The following PPP1R36 variants were observed in gnomAD, a reference collection of about 807,000 sequenced individuals.
The protein encoded by PPP1R36 is chromosome 14 open reading frame 50.
A neutral mutation model predicts 53.4 loss-of-function variants in PPP1R36; 47 were observed. The observed-to-expected ratio is 0.88, with a 90% CI of 0.70 to 1.12. The LOEUF (loss-of-function observed/expected upper bound fraction) is 1.12, where lower values mean the gene tolerates loss of function less well. Ranked by LOEUF, PPP1R36 falls within the 50% of genes most tolerant of loss-of-function variation. The pLI, the probability that PPP1R36 is intolerant of heterozygous loss-of-function variation, is 0.00. For missense variants in PPP1R36, 456 were observed against 513.9 expected, an observed-to-expected ratio of 0.89 and a Z score of 1.09; for synonymous variants, 153 against 170.5, an observed-to-expected ratio of 0.90 and a Z score of 0.80.
intron 1 of PPP1R36, 145 bp downstream of exon 1, chr14:64,550,211 C>A: frequency 2.4e-5 from 33 of 1,381,056 alleles, no homozygotes; most frequent in East Asian, 1.2e-4. Flanking sequence ...GACACCTGGC[C>A]ATATTTGCCT....
rs761183264 is a variant in PPP1R36 at position 64,589,206 on chromosome 14, C to G, written c.1137C>G (p.Pro379=). 1.9e-6 allele frequency: 3 copies of G among 1,613,952 alleles called. No homozygotes were observed. In the Admixed American group the frequency reaches 5.0e-5, roughly 27 times the overall value. The part of the protein sequence containing the change: ...RCLFNPHTLH[P]LDPEENTKSF... ...TATTCAACCCACATACGCTTCACCCCCTTGATCCAGAAGAAAACACAAAAT... is the reference window on the plus strand; with the variant it reads ...TATTCAACCCACATACGCTTCACCCGCTTGATCCAGAAGAAAACACAAAAT... The change falls in exon 12 of 12, where the codon CCC becomes CCG. Residue 379 remains proline (P), a synonymous_variant. Coordinates refer to ENST00000298705, the MANE Select transcript of PPP1R36 (RefSeq NM_172365.3).
chr14:64,570,667 T>A (rs1298363557), intron 7 of PPP1R36, among the ~76,000 whole-genome samples: 2 of 152,186 alleles, frequency 1.3e-5, no homozygotes, highest in Non-Finnish European at 2.9e-5. Flanking sequence ...GGGATAGTAA[T>A]AGCATTTAAT....
chr14:64,554,452 C>T (rs964999539), intron 3 of PPP1R36, among the ~76,000 whole-genome samples: 1 of 152,154 alleles, frequency 6.6e-6, no homozygotes, highest in Admixed American at 6.5e-5. Flanking sequence ...CACCTGGCTT[C>T]ATCACAAATT....
intron 8 of PPP1R36, among the ~76,000 whole-genome samples, chr14:64,585,516 CAAAAAAAAAA>C (rs57102182): frequency 3.7e-5 from 4 of 109,154 alleles, no homozygotes; most frequent in African/African-American, 1.2e-4. Flanking sequence ...GACCCTGTCT[CAAAAAAAAAA>C]AAAAAAAAAA....
chr14:64,554,225 C>T (rs1040264472), intron 3 of PPP1R36, among the ~76,000 whole-genome samples: 1 of 138,488 alleles, frequency 7.2e-6, no homozygotes. Flanking sequence ...GGTCCTGGCT[C>T]ACGGCAACCT....
At chr14:64,552,303 A>G (rs2080100363) in intron 2 of PPP1R36, among the ~76,000 whole-genome samples, 1 of 152,172 alleles carries the variant, frequency 6.6e-6, no homozygotes, top group Admixed American at 6.5e-5. Context: ...AGCCTGGCCA[A>G]CATGGTGAAA....
intron 11 of PPP1R36, among the ~76,000 whole-genome samples, 161 bp from the exon 12 acceptor site, chr14:64,588,991 C>A (rs2080461268): frequency 6.6e-6 from 1 of 152,142 alleles, no homozygotes; most frequent in Non-Finnish European, 1.5e-5. Flanking sequence ...AGTGGTAGTT[C>A]ATGGAAACAG....
At chr14:64,577,718 CTT>C (rs10667127) in intron 8 of PPP1R36, among the ~76,000 whole-genome samples, 7 of 94,440 alleles carry the variant, frequency 7.4e-5, no homozygotes, top group African/African-American at 3.1e-4. Context: ...GCCATGATTA[CTT>C]TTTTTTTTTT....
In PPP1R36 at chr14:64,589,183, T is replaced by C. The variant is rs747754132; in HGVS notation, c.1114T>C (p.Phe372Leu). 6.2e-6 allele frequency: 10 copies of C among 1,613,468 alleles called. No homozygotes were observed. Among genetic ancestry groups the C allele is most frequent in the Non-Finnish European group, 8.5e-6 (10 of 1,179,840 alleles). The change falls in exon 12 of 12, where the codon TTC (phenylalanine) becomes CTC (leucine). Residue 372 changes from phenylalanine (F) to leucine (L), a missense_variant. By Grantham distance (22) the Phe-to-Leu change is conservative. Coordinates refer to ENST00000298705, the MANE Select transcript of PPP1R36 (RefSeq NM_172365.3). ...CATCTTGGGGGAGCCTCGATGTCTA[T>C]TCAACCCACATACGCTTCACCCCCT... is the stretch of plus-strand genomic sequence containing the variant. ...VGILGEPRCL[F>L]NPHTLHPLDP...
At chr14:64,572,971 A>G (rs1255688444) in intron 7 of PPP1R36, among the ~76,000 whole-genome samples, 1 of 152,124 alleles carries the variant, frequency 6.6e-6, no homozygotes, top group East Asian at 1.9e-4. Context: ...AAGGGGGTGT[A>G]TTAAGGATAA....
In PPP1R36 at chr14:64,589,257, G is replaced by C. The variant is rs1351629307; in HGVS notation, c.1188G>C (p.Met396Ile). ...CATTTGGGAGATATCCTTCCTTGAT[G>C]GAAAACAATAACATGAGGATTCAGG... ...TKSFGRYPSL[M>I]ENNNMRIQDT... is the part of the protein sequence containing the mutation. The change falls in exon 12 of 12, where the codon ATG becomes ATC. Residue 396 changes from methionine (M) to isoleucine (I), a missense_variant. Met to Ile is a conservative substitution (Grantham distance 10, BLOSUM62 1). Transcript: ENST00000298705. 6.2e-7 allele frequency: 1 copy of C among 1,613,842 alleles called. No individual in the cohort carries two copies.
intron 8 of PPP1R36, among the ~76,000 whole-genome samples, chr14:64,579,672 T>G (rs941124842): frequency 1.3e-5 from 2 of 152,138 alleles, no homozygotes; most frequent in African/African-American, 2.4e-5. Flanking sequence ...GATTTAAGGT[T>G]AAAAAACCTG....
intron 2 of PPP1R36, among the ~76,000 whole-genome samples, chr14:64,552,097 G>A (rs2080098527): frequency 6.6e-6 from 1 of 152,172 alleles, no homozygotes; most frequent in South Asian, 2.1e-4. Context: ...TGGATGTGAA[G>A]GGAGAGGGAA....
chr14:64,584,656 G>A (rs544211800), intron 8 of PPP1R36, among the ~76,000 whole-genome samples: 11 of 152,316 alleles, frequency 7.2e-5, no homozygotes, highest in South Asian at 6.2e-4. Flanking sequence ...GAGGACAGAC[G>A]TGGGTATCTG....
intron 1 of PPP1R36, chr14:64,550,380 G>C: frequency 1.2e-6 from 1 of 857,418 alleles, no homozygotes; most frequent in Non-Finnish European, 1.5e-6. Context: ...CCCCGCTCTG[G>C]ATAGAAAGGC....
chr14:64,550,972 C>G lies in PPP1R36; in HGVS notation c.121C>G (p.Leu41Val). ...GTACTGGAAAGATGAAACCAGAACT[C>G]TTGAATTCAGAAGGTAAAATTTAAC... ...MWYWKDETRT[L>V]EFRRFAAEDS... The change falls in exon 2 of 12, where the codon CTT (leucine) becomes GTT (valine). Residue 41 changes from leucine to valine, a missense_variant. Transcript: ENST00000298705. 6.2e-7 allele frequency: 1 copy of G among 1,605,036 alleles called. No homozygotes were observed. The highest frequency in any genetic ancestry group is 8.5e-7 in the Non-Finnish European group (1 of 1,174,160).
At chr14:64,565,851 G>C (rs2080249365) in intron 6 of PPP1R36, among the ~76,000 whole-genome samples, 159 bp downstream of exon 6, 1 of 152,078 alleles carries the variant, frequency 6.6e-6, no homozygotes, top group African/African-American at 2.4e-5. Flanking sequence ...TGCGACCAAA[G>C]AGTCAGGGAG....
chr14:64,557,619 A>G (rs1377856685), intron 3 of PPP1R36, among the ~76,000 whole-genome samples: 1 of 152,206 alleles, frequency 6.6e-6, no homozygotes, highest in African/African-American at 2.4e-5. Context: ...TTGGCTTGAT[A>G]TGTCTTAATT....
At chr14:64,573,492 A>C (rs1172496885) in intron 7 of PPP1R36, among the ~76,000 whole-genome samples, 4 of 152,228 alleles carry the variant, frequency 2.6e-5, no homozygotes, top group African/African-American at 4.8e-5. Flanking sequence ...TGTTTTAGGA[A>C]AATAGCAGGA....
Sources: gnomAD v4.1 joint callset for allele counts (sites outside exome capture counted in the v4.1 genomes callset) on GRCh38, gnomAD v4.1.1 for gene constraint, MANE v1.5 for transcripts, NCBI Gene and HGNC (gene_info 2026-07-23, HGNC 2026-07-21) for gene names.